Variants in ACSM3 observed in about 807,000 individuals in gnomAD.
ACSM3 encodes acyl-coenzyme A synthetase ACSM3, mitochondrial.
ACSM3 carries 61 observed loss-of-function variants against 74.1 expected under a neutral mutation model. The ratio of observed to expected loss-of-function variants is 0.82; its 90% CI spans 0.67 to 1.02. The LOEUF (loss-of-function observed/expected upper bound fraction) is 1.02, where lower values mean the gene tolerates loss of function less well. ACSM3 is among the 50% of genes least tolerant of loss of function. ACSM3 has a pLI of 0.00. For synonymous variants in ACSM3, 213 were observed against 241.5 expected (o/e 0.88, Z 1.09); for missense variants, 660 against 697.0 (o/e 0.95, Z 0.60).
At chr16:20,732,544 C>T (rs2079836931) in intron 1 of ACSM3, among the ~76,000 whole-genome samples, 1 of 152,116 alleles carries the variant, frequency 6.6e-6, no homozygotes, top group Non-Finnish European at 1.5e-5. Flanking sequence ...TCTCCAGGGT[C>T]CAGCTCTGCA....
intron 1 of ACSM3, among the ~76,000 whole-genome samples, chr16:20,740,237 A>C (rs914975249): frequency 1.3e-5 from 2 of 152,168 alleles, no homozygotes; most frequent in African/African-American, 4.8e-5. Context: ...TCTACAAAAA[A>C]TACAAAAAAT....
intron 1 of ACSM3, among the ~76,000 whole-genome samples, chr16:20,740,942 C>T (rs940838571): frequency 2.0e-5 from 3 of 152,208 alleles, no homozygotes; most frequent in African/African-American, 7.2e-5. Context: ...AGCTTCAGCA[C>T]ACCGCCTGGC....
At chr16:20,732,775 A>C (rs2079838455) in intron 1 of ACSM3, 1 of 152,660 alleles carries the variant, frequency 6.6e-6, no homozygotes, top group African/African-American at 2.4e-5. Flanking sequence ...TGTCTATGAG[A>C]TTCAATAAGC....
chr16:20,705,030 G>A (rs2079722928), intron 1 of ACSM3, among the ~76,000 whole-genome samples: 1 of 152,110 alleles, frequency 6.6e-6, no homozygotes, highest in Non-Finnish European at 1.5e-5. Flanking sequence ...TTTTCCATAG[G>A]ATCAACCTTT....
At chr16:20,753,408 G>A (rs1454278508) in intron 2 of ACSM3, among the ~76,000 whole-genome samples, 1 of 147,800 alleles carries the variant, frequency 6.8e-6, no homozygotes, top group African/African-American at 2.5e-5. Flanking sequence ...AGGTTGCAAT[G>A]AGCTGAGATT....
chr16:20,741,779 C>A, intron 1 of ACSM3: 1 of 1,549,734 alleles, frequency 6.5e-7, no homozygotes. Context: ...CGTTTCTCCG[C>A]TGCTGTTGGC....
intron 1 of ACSM3, among the ~76,000 whole-genome samples, chr16:20,730,627 G>T (rs923506383): frequency 6.6e-6 from 1 of 152,036 alleles, no homozygotes. Context: ...TCCATTCTCA[G>T]AAATAGTTTC....
chr16:20,738,989 T>C (rs1281481982), intron 1 of ACSM3: 1 of 1,614,232 alleles, frequency 6.2e-7, no homozygotes, highest in Admixed American at 1.7e-5. Flanking sequence ...TGCCTTAATG[T>C]CACCAACTTC....
In ACSM3 at chr16:20,775,818, G is replaced by T; in HGVS notation, c.220-21G>T. On this transcript the variant is annotated intron_variant, in intron 2 of 13. Transcript: ENST00000289416. ...GCTGTATAACAACCTTTAAATCAATGACTGGTTTTTCTTTCCTCAGGCTGG... is the reference window on the plus strand; with the variant it reads ...GCTGTATAACAACCTTTAAATCAATTACTGGTTTTTCTTTCCTCAGGCTGG... 2.5e-6 allele frequency: 4 copies of T among 1,612,334 alleles called. No homozygotes were observed. In the South Asian group the frequency reaches 4.4e-5, roughly 18 times the overall value.
intron 9 of ACSM3, chr16:20,789,355 A>G: frequency 2.7e-6 from 2 of 742,548 alleles, no homozygotes; most frequent in African/African-American, 1.7e-5. Context: ...TCAAGTACTT[A>G]AAGGTTTAGC....
At chr16:20,774,603 G>T (rs544347300) in intron 2 of ACSM3, among the ~76,000 whole-genome samples, 8 of 152,298 alleles carry the variant, frequency 5.3e-5, no homozygotes, top group African/African-American at 1.9e-4. Context: ...GTTGGGTCTT[G>T]TTTTTTATCC....
chr16:20,773,171 A>G (rs9927521), intron 2 of ACSM3, among the ~76,000 whole-genome samples: 1 of 152,062 alleles, frequency 6.6e-6, no homozygotes, highest in Non-Finnish European at 1.5e-5. Flanking sequence ...ATAGTTGTTC[A>G]TAAGAGTCTT....
At chr16:20,737,176 A>T in intron 1 of ACSM3, 1 of 1,614,182 alleles carries the variant, frequency 6.2e-7, no homozygotes, top group South Asian at 1.1e-5. Flanking sequence ...AACAACATGT[A>T]ATCTTTCACA....
At chr16:20,682,440 T>G (rs756924072) in intron 1 of ACSM3, 3 of 1,613,678 alleles carry the variant, frequency 1.9e-6, no homozygotes, top group Non-Finnish European at 2.5e-6. Flanking sequence ...TTCAACAGGA[T>G]GGTCGCAGGA....
intron 4 of ACSM3, among the ~76,000 whole-genome samples, chr16:20,778,370 A>T (rs1359411541): frequency 6.6e-6 from 1 of 152,222 alleles, no homozygotes; most frequent in Non-Finnish European, 1.5e-5. Context: ...GCATGCTTGC[A>T]ACTATGGACT....
intron 2 of ACSM3, among the ~76,000 whole-genome samples, chr16:20,752,082 A>G (rs1468510703): frequency 6.6e-6 from 1 of 152,136 alleles, no homozygotes; most frequent in Non-Finnish European, 1.5e-5. Context: ...ACATTCAACA[A>G]GTGAGGCTGA....
At chr16:20,682,468 GGATGAGAAAGGAACT>G in intron 1 of ACSM3, 1 of 1,611,278 alleles carries the variant, frequency 6.2e-7, no homozygotes, top group South Asian at 1.1e-5. Flanking sequence ...TGATCCCTGG[GGATGAGAAAGGAACT>G]GATTGTTTTG....
intron 3 of ACSM3, among the ~76,000 whole-genome samples, chr16:20,756,570 C>G (rs180949049): frequency 6.6e-6 from 1 of 152,092 alleles, no homozygotes; most frequent in African/African-American, 2.4e-5. Flanking sequence ...AAAATTTTCT[C>G]CCATTTTGTA....
Position 20,685,102 on chromosome 16 carries a change from T to C in ACSM3, c.-190+10280T>C. On this transcript the variant is annotated intron_variant, in intron 1 of 3. Coordinates refer to the ACSM3 transcript ENST00000561584. ...GGCGAAGGCTTCAAAGCTGTGTCAG[T>C]GCCAGGCTGGGTGCACAGCACCTAA... 3 of 1,389,188 alleles carry C rather than the reference T, an allele frequency of 2.2e-6. 1 individual carries two copies. The South Asian group carries it at 3.5e-5, about 16-fold the overall frequency. 86.1% of individuals were successfully genotyped at this position (1,389,188 alleles called of 1,614,324 possible).
Sources: allele counts gnomAD v4.1 joint callset (sites outside exome capture counted in the v4.1 genomes callset), GRCh38; gene constraint gnomAD v4.1.1; transcripts MANE v1.5; gene names NCBI Gene and HGNC (gene_info 2026-07-23, HGNC 2026-07-21).